The following AGGF1 variants were observed in gnomAD, a reference collection of about 807,000 sequenced individuals.
AGGF1 encodes angiogenic factor with G patch and FHA domains 1.
Under a neutral mutation model 86.5 loss-of-function variants are expected in AGGF1, and 56 were observed. The observed-to-expected ratio is 0.65, with a 90% CI of 0.52 to 0.81. AGGF1 has a LOEUF of 0.81. Ranked by LOEUF, AGGF1 falls within the 30% of genes least tolerant of loss-of-function variation. The pLI is 0.00. For synonymous variants in AGGF1, 313 were observed against 297.1 expected, an observed-to-expected ratio of 1.05 and a Z score of -0.55; for missense variants, 816 against 850.9, an observed-to-expected ratio of 0.96 and a Z score of 0.51.
intron 10 of AGGF1, 146 bp from the exon 11 acceptor site, chr5:77,055,368 A>G: frequency 1.6e-6 from 1 of 615,050 alleles, no homozygotes; most frequent in South Asian, 1.9e-5. Context: ...ATCACAACCC[A>G]ATATCCTTTA....
At chr5:77,059,799 G>C in intron 12 of AGGF1, 56 bp downstream of exon 12, 1 of 1,604,762 alleles carries the variant, frequency 6.2e-7, no homozygotes, top group Non-Finnish European at 8.5e-7. Flanking sequence ...AACATTCATA[G>C]GGTGGTCTGA....
chr5:77,032,269 A>AAAAAC (rs1746876488), intron 1 of AGGF1, among the ~76,000 whole-genome samples: 1 of 142,892 alleles, frequency 7.0e-6, no homozygotes, highest in Non-Finnish European at 1.6e-5. Context: ...AAAAAAAAAA[A>AAAAAC]AAAAACAGGG....
chr5:77,059,208 A>G (rs902117105), intron 11 of AGGF1, among the ~76,000 whole-genome samples: 2 of 152,228 alleles, frequency 1.3e-5, no homozygotes, highest in African/African-American at 4.8e-5. Flanking sequence ...TTAAGTCAGA[A>G]TATACTGTTA....
Position 77,048,996 on chromosome 5 carries a change from T to C in AGGF1, c.1365+9T>C. On this transcript the variant is annotated intron_variant, in intron 8 of 13. Transcript: ENST00000312916. Reference sequence around the variant, plus strand: ...AAGTTGGTGTCAGTAAGGTAAGCTCTTTGATTTATCAAATATAGTCCCCTA... The same window carrying C: ...AAGTTGGTGTCAGTAAGGTAAGCTCCTTGATTTATCAAATATAGTCCCCTA... The C allele has an allele frequency of 6.2e-7, 1 of 1,612,930 alleles. No individual in the cohort carries two copies. The highest frequency in any genetic ancestry group is 2.2e-5 in the East Asian group (1 of 44,776).
chr5:77,061,587 A>G lies in AGGF1; in HGVS notation c.1845-116A>G, dbSNP rs1212292660. ...TTGTGTGTCTTCAACTTTGTTAGGTAATGCCAAGCGGTTTTCTAAAGTAGT... is the reference window on the plus strand; with the variant it reads ...TTGTGTGTCTTCAACTTTGTTAGGTGATGCCAAGCGGTTTTCTAAAGTAGT... On this transcript the variant is annotated intron_variant, in intron 12 of 13. Coordinates refer to ENST00000312916, the MANE Select transcript of AGGF1 (RefSeq NM_018046.5). The G allele has an allele frequency of 2.8e-5, 27 of 958,544 alleles. No homozygotes were observed. In the East Asian group the frequency reaches 7.2e-4, roughly 25 times the overall value. The allele number at this position is 958,544 out of a possible 1,614,324, so 59.4% of individuals were successfully genotyped here. A position where few individuals can be genotyped will look rare whatever the true frequency, so the allele number is the denominator to read the frequency against.
chr5:77,063,265 G>GAA lies in AGGF1; in HGVS notation c.*20_*21dup, dbSNP rs34239222. 3.2e-5 allele frequency: 51 copies of GAA among 1,604,438 alleles called. No homozygotes were observed. The highest frequency in any genetic ancestry group is 7.8e-5 in the South Asian group (7 of 89,972). On this transcript the variant is annotated 3_prime_UTR_variant, in exon 14 of 14. Transcript: ENST00000312916. Reference sequence around the variant, plus strand: ...GACTTTAGAGTGAAGGCTAATCATAGAAAAAAAACCTCTAGTTTTTTTAAA... The same window carrying GAA: ...GACTTTAGAGTGAAGGCTAATCATAGAAAAAAAAAACCTCTAGTTTTTTTAAA...
At chr5:77,032,623 C>T (rs1746892344) in intron 1 of AGGF1, among the ~76,000 whole-genome samples, 2 of 147,606 alleles carry the variant, frequency 1.4e-5, no homozygotes, top group African/African-American at 5.1e-5. Context: ...GCCTTTTTTA[C>T]ATGACAGCCT....
At chr5:77,048,800 C>A in intron 7 of AGGF1, 136 bp from the exon 8 acceptor site, 1 of 835,464 alleles carries the variant, frequency 1.2e-6, no homozygotes. Flanking sequence ...AGTAAGGAAA[C>A]TGGATAATCC....
At chr5:77,053,476 G>A (rs745311356) in intron 9 of AGGF1, among the ~76,000 whole-genome samples, 1 of 152,166 alleles carries the variant, frequency 6.6e-6, no homozygotes. Context: ...CCGAGATCAC[G>A]CCATTGCACT....
intron 4 of AGGF1, among the ~76,000 whole-genome samples, chr5:77,038,042 G>C (rs1393499027): frequency 1.3e-5 from 2 of 152,164 alleles, no homozygotes; most frequent in Non-Finnish European, 2.9e-5. Flanking sequence ...GTACACAAAA[G>C]TGGAGTTGAC....
intron 3 of AGGF1, 50 bp downstream of exon 3, chr5:77,035,793 C>G (rs1580123411): frequency 6.7e-7 from 1 of 1,503,198 alleles, no homozygotes; most frequent in Non-Finnish European, 9.3e-7. Flanking sequence ...ACCTGTCCTT[C>G]TTTGTTGTTA....
intron 1 of AGGF1, among the ~76,000 whole-genome samples, chr5:77,031,759 C>A (rs1746857960): frequency 6.6e-6 from 1 of 152,052 alleles, no homozygotes; most frequent in South Asian, 2.1e-4. Context: ...CAAAAATTAG[C>A]CGGGCGTGGC....
At chr5:77,037,729 T>C (rs1746991580) in intron 4 of AGGF1, among the ~76,000 whole-genome samples, 2 of 152,166 alleles carry the variant, frequency 1.3e-5, no homozygotes, top group South Asian at 4.1e-4. Context: ...TGAGCCATGA[T>C]TGCACCACTG....
rs758834553 is a variant in AGGF1 at position 77,059,727 on chromosome 5, C to T, written c.1828C>T (p.Pro610Ser). 1.9e-6 allele frequency: 3 copies of T among 1,613,818 alleles called. No individual in the cohort carries two copies. The highest frequency in any genetic ancestry group is 4.5e-5 in the East Asian group (2 of 44,874). Residue 610 changes from proline to serine, a missense_variant, in exon 12 of 14, where the codon CCT becomes TCT. Physicochemically the swap from Pro to Ser is moderately conservative, Grantham distance 74 (BLOSUM62 -1). Transcript: ENST00000312916. ...SEGTFQRDDA[P>S]ASVHSEITDS... ...AGGAACTTTCCAAAGAGATGATGCT[C>T]CTGCATCTGTTCATTCGTAAGTTTT...
At chr5:77,037,051 G>T (rs1746982693) in intron 4 of AGGF1, among the ~76,000 whole-genome samples, 1 of 152,194 alleles carries the variant, frequency 6.6e-6, no homozygotes, top group South Asian at 2.1e-4. Context: ...AAAGCAAAAA[G>T]CTGCATTTAA....
At chr5:77,053,354 A>G (rs1030995587) in intron 9 of AGGF1, among the ~76,000 whole-genome samples, 6 of 152,068 alleles carry the variant, frequency 3.9e-5, no homozygotes, top group African/African-American at 1.4e-4. Flanking sequence ...CCTCATCTCT[A>G]CTAAAAATAC....
At chr5:77,031,008 C>G in intron 1 of AGGF1, 32 bp downstream of exon 1, 1 of 1,609,246 alleles carries the variant, frequency 6.2e-7, no homozygotes, top group Non-Finnish European at 8.5e-7. Flanking sequence ...CGCGCCCCAT[C>G]CAGCCCAGGC....
intron 4 of AGGF1, among the ~76,000 whole-genome samples, chr5:77,037,095 A>T (rs1746983167): frequency 6.6e-6 from 1 of 152,256 alleles, no homozygotes. Context: ...TTGACAGAAG[A>T]ATTCTAAAAT....
At chr5:77,043,557 G>A (rs777980659) in intron 5 of AGGF1, among the ~76,000 whole-genome samples, 1,719 of 98,906 alleles carry the variant, frequency 0.017, no homozygotes, top group South Asian at 0.024. Context: ...CCTCCCTCCC[G>A]GACGGCACGG....
Sources: gnomAD v4.1 joint callset for allele counts (sites outside exome capture counted in the v4.1 genomes callset) on GRCh38, gnomAD v4.1.1 for gene constraint, MANE v1.5 for transcripts, NCBI Gene and HGNC (gene_info 2026-07-23, HGNC 2026-07-21) for gene names.